MCF2L: variants seen among roughly 807,000 people sequenced by gnomAD.
The protein encoded by MCF2L is MCF.2 cell line derived transforming sequence like.
A neutral mutation model predicts 153.4 loss-of-function variants in MCF2L; 97 were observed. The observed-to-expected ratio is 0.63, with a 90% CI of 0.54 to 0.75. The LOEUF (loss-of-function observed/expected upper bound fraction) is 0.75. Ranked by LOEUF, MCF2L falls within the 30% of genes least tolerant of loss-of-function variation. MCF2L has a pLI of 0.00. For synonymous variants in MCF2L, 659 were observed against 632.2 expected, an observed-to-expected ratio of 1.04 and a Z score of -0.64; for missense variants, 1,347 against 1,495.2, an observed-to-expected ratio of 0.90 and a Z score of 1.64.
At position 113,096,608 on chromosome 13, in the gene MCF2L, G is replaced by T. The variant is rs767900174; in HGVS notation, c.3247G>T (p.Val1083Phe). ...CTGGGTGCCGGCCAGCAGCCTGTCCGTCCGGCTCGGCCCGTCCGGCTCGGC... is the reference window on the plus strand; with the variant it reads ...CTGGGTGCCGGCCAGCAGCCTGTCCTTCCGGCTCGGCCCGTCCGGCTCGGC... ...EGWVPASSLS[V>F]RLGPSGSAQC... The change falls in exon 29 of 30, where the codon GTC becomes TTC. Residue 1083 changes from valine to phenylalanine, a missense_variant. Transcript: ENST00000535094. 12 of 1,600,550 alleles carry T rather than the reference G, an allele frequency of 7.5e-6. No homozygotes were observed. The African/African-American group carries it at 1.3e-4, about 18-fold the overall frequency.
At chr13:113,007,463 G>A (rs192966342) in intron 1 of MCF2L, among the ~76,000 whole-genome samples, 9 of 152,348 alleles carry the variant, frequency 5.9e-5, no homozygotes, top group Non-Finnish European at 8.8e-5. Context: ...TGAGTGGGCC[G>A]TGGCCACCGT....
At chr13:113,085,604 G>A (rs928687310) in intron 20 of MCF2L, among the ~76,000 whole-genome samples, 27 of 152,048 alleles carry the variant, frequency 1.8e-4, no homozygotes, top group African/African-American at 6.3e-4. Context: ...TTAGGGTGGC[G>A]AGAGGAAACT....
chr13:112,955,675 G>A (rs1311569597), intron 2 of MCF2L, among the ~76,000 whole-genome samples: 1 of 152,146 alleles, frequency 6.6e-6, no homozygotes, highest in Non-Finnish European at 1.5e-5. Flanking sequence ...TTTGCCATAA[G>A]GCAGACTGCG....
In MCF2L at chr13:113,034,878, TCTGCCCGAGGTGAGGAAGG is replaced by T. The variant is rs1469984779; in HGVS notation, c.278+10121_278+10139del. ...AGCCACAGATCGGAGGTGAGGAAGG[TCTGCCCGAGGTGAGGAAGG>T]TCTGCCCGAGGTGAGGAAGGTCTGC... On this transcript the variant is annotated intron_variant, in intron 3 of 29. Coordinates refer to ENST00000535094, the MANE Select transcript of MCF2L (RefSeq NM_001112732.3). 4.6e-3 allele frequency among the ~76,000 whole-genome samples: 680 copies of T among 147,840 alleles called. 23 individuals are homozygous for T. The East Asian group carries it at 0.093, about 20-fold the overall frequency.
At position 113,013,815 on chromosome 13, in the gene MCF2L, C is replaced by A. The variant is rs947666554; in HGVS notation, c.80-948C>A. Among the ~76,000 whole-genome samples, 13 of 152,204 alleles carry A rather than the reference C, an allele frequency of 8.5e-5. 1 individual carries two copies. In the South Asian group the frequency reaches 2.5e-3, roughly 29 times the overall value. Reference sequence around the variant, plus strand: ...GCTCCGTGGTCAGTGGTCAGTGTCCCCCAGGCACAGTGGCCTGGCAGCCGC... The same window carrying A: ...GCTCCGTGGTCAGTGGTCAGTGTCCACCAGGCACAGTGGCCTGGCAGCCGC... On this transcript the variant is annotated intron_variant, in intron 1 of 29. Coordinates refer to ENST00000535094, the MANE Select transcript of MCF2L (RefSeq NM_001112732.3).
intron 2 of MCF2L, among the ~76,000 whole-genome samples, chr13:112,924,828 A>C (rs1284243233): frequency 6.6e-6 from 1 of 152,208 alleles, no homozygotes; most frequent in Non-Finnish European, 1.5e-5. Flanking sequence ...AGACGTTAAA[A>C]TTTTCTATAC....
intron 27 of MCF2L, 102 bp from the exon 28 acceptor site, chr13:113,096,269 A>T: frequency 1.1e-6 from 1 of 904,540 alleles, no homozygotes; most frequent in African/African-American, 1.7e-5. Flanking sequence ...AGGAGCTCCC[A>T]CCGGGGCAGG....
At chr13:112,908,928 G>C (rs1406358921) in intron 2 of MCF2L, among the ~76,000 whole-genome samples, 1 of 151,982 alleles carries the variant, frequency 6.6e-6, no homozygotes, top group Non-Finnish European at 1.5e-5. Context: ...GTTTCACCAT[G>C]TTAGCCAGGA....
chr13:112,909,152 GGGTTAAGTCCA>G (rs981380070), intron 2 of MCF2L: 1 of 762,214 alleles, frequency 1.3e-6, no homozygotes, highest in African/African-American at 1.7e-5. Context: ...ATCCGCTTCT[GGGTTAAGTCCA>G]GGACTGGCAA....
At chr13:112,982,990 G>A (rs963214430) in intron 1 of MCF2L, among the ~76,000 whole-genome samples, 41 of 152,128 alleles carry the variant, frequency 2.7e-4, no homozygotes, top group Non-Finnish European at 4.6e-4. Context: ...TGGTGGTGAC[G>A]CTCAGGAGGC....
At chr13:112,962,751 G>A (rs2081847760) in intron 2 of MCF2L, among the ~76,000 whole-genome samples, 1 of 152,192 alleles carries the variant, frequency 6.6e-6, no homozygotes. Context: ...TACCCAGAGA[G>A]GGTATGAGGA....
rs187563017 is a variant in MCF2L, at chr13:112,939,135, C to G, written c.169+36764C>G. ...ACGTTTGGGTTTCAATTTCCAGATACAACTGATGGTTCACTTTCATCTGTG... is the reference window on the plus strand; with the variant it reads ...ACGTTTGGGTTTCAATTTCCAGATAGAACTGATGGTTCACTTTCATCTGTG... On this transcript the variant is annotated intron_variant, in intron 2 of 29. Transcript: ENST00000375608. Among the ~76,000 whole-genome samples, 3 of 152,160 alleles carry G rather than the reference C, an allele frequency of 2.0e-5. No individual in the cohort carries two copies. The East Asian group carries it at 5.8e-4, about 29-fold the overall frequency.
chr13:113,050,752 TGCGGGGGG>T (rs2087237991), intron 4 of MCF2L, among the ~76,000 whole-genome samples: 2 of 3,220 alleles, frequency 6.2e-4, no homozygotes, highest in African/African-American at 2.3e-3. Context: ...AGCGGGGGGG[TGCGGGGGG>T]CGGTGGCGGG....
rs184291951 is a variant in MCF2L at position 113,064,442 on chromosome 13, G to A, written c.606+22G>A. The A allele has an allele frequency of 1.9e-5, 29 of 1,508,030 alleles. No individual in the cohort carries two copies. The Admixed American group carries it at 2.2e-4, about 11-fold the overall frequency. 93.4% of individuals were successfully genotyped at this position (1,508,030 alleles called of 1,614,324 possible). On this transcript the variant is annotated intron_variant, in intron 6 of 29. Transcript: ENST00000535094. The surrounding 1 kb of genome is among the most constrained non-coding windows in gnomAD (Gnocchi z 6.0). ...CACGGTGAGCCGCGTCGGGGCCAGC[G>A]GGGCTGGCTGATACCAGCTCGAGTA...
intron 2 of MCF2L, among the ~76,000 whole-genome samples, chr13:112,919,968 A>T (rs964786895): frequency 6.6e-6 from 1 of 152,132 alleles, no homozygotes; most frequent in African/African-American, 2.4e-5. Flanking sequence ...TTCTTTTCTT[A>T]TGGTAGCGAG....
intron 1 of MCF2L, among the ~76,000 whole-genome samples, chr13:112,986,893 C>T (rs3011539): frequency 0.41 from 62,281 of 152,232 alleles, 13,211 homozygotes; most frequent in African/African-American, 0.52. Flanking sequence ...GTGGGGATGC[C>T]TCAAGGGTGG....
intron 26 of MCF2L, among the ~76,000 whole-genome samples, chr13:113,092,595 G>A (rs1385954343): frequency 6.6e-6 from 1 of 152,234 alleles, no homozygotes; most frequent in African/African-American, 2.4e-5. Flanking sequence ...TGCAGGTGGT[G>A]ACTCCAATGA....
intron 3 of MCF2L, among the ~76,000 whole-genome samples, chr13:113,030,903 G>A (rs1241076338): frequency 6.6e-6 from 1 of 152,176 alleles, no homozygotes. Flanking sequence ...AAGTCTCAGT[G>A]GTCAGCACAC....
chr13:112,929,448 T>A (rs955827588), intron 2 of MCF2L, among the ~76,000 whole-genome samples: 15 of 152,262 alleles, frequency 9.9e-5, no homozygotes, highest in Non-Finnish European at 1.5e-4. Flanking sequence ...TTATCTTTTA[T>A]CGGGATGGGA....
Sources: allele counts gnomAD v4.1 joint callset (sites outside exome capture counted in the v4.1 genomes callset), GRCh38; gene constraint gnomAD v4.1.1; non-coding constraint Gnocchi (gnomAD v3.1); transcripts MANE v1.5; gene names NCBI Gene and HGNC (gene_info 2026-07-23, HGNC 2026-07-21).